The following ZAP70 variants were observed in gnomAD, a reference collection of about 807,000 sequenced individuals.
The protein encoded by ZAP70 is zeta chain of T cell receptor associated protein kinase 70.
Under a neutral mutation model 65.8 loss-of-function variants are expected in ZAP70, and 27 were observed. The observed-to-expected ratio is 0.41, with a 90% CI of 0.30 to 0.57. ZAP70 has a LOEUF of 0.57. Ranked by LOEUF, ZAP70 falls within the 20% of genes least tolerant of loss-of-function variation. The probability of loss-of-function intolerance (pLI) is 0.28; values close to 1 mark genes in which losing one functional copy is unlikely to be tolerated. For missense variants in ZAP70, 696 were observed against 870.5 expected (o/e 0.80, Z 2.52); for synonymous variants, 363 against 360.8 (o/e 1.01, Z -0.07).
rs571028144 is a variant in ZAP70, at chr2:97,725,969, C to T, written c.563+717C>T. 2.8e-4 allele frequency among the ~76,000 whole-genome samples: 42 copies of T among 152,120 alleles called. No individual in the cohort carries two copies. The South Asian group carries it at 8.7e-3, about 32-fold the overall frequency. On this transcript the variant is annotated intron_variant, in intron 4 of 13. Coordinates refer to ENST00000264972, the MANE Select transcript of ZAP70 (RefSeq NM_001079.4). Reference sequence around the variant, plus strand: ...AGAATGGGAGGAGGTGAGGGCAGGGCGGGGACTTTAGCTTTTCCCCCAAGT... The same window carrying T: ...AGAATGGGAGGAGGTGAGGGCAGGGTGGGGACTTTAGCTTTTCCCCCAAGT...
chr2:97,741,503 G>A (rs888918281), downstream of ZAP70, among the ~76,000 whole-genome samples: 7 of 148,936 alleles, frequency 4.7e-5, no homozygotes, highest in African/African-American at 1.5e-4. Context: ...AAAGCTCCCC[G>A]TCCCCCCCAG....
chr2:97,727,103 G>A (rs1677418515), intron 4 of ZAP70, among the ~76,000 whole-genome samples: 1 of 152,242 alleles, frequency 6.6e-6, no homozygotes, highest in Non-Finnish European at 1.5e-5. Flanking sequence ...TGTGGTGGTG[G>A]TGCAGGGTTC....
At chr2:97,728,024 C>A (rs1031885946) in intron 4 of ZAP70, among the ~76,000 whole-genome samples, 4 of 152,154 alleles carry the variant, frequency 2.6e-5, no homozygotes, top group East Asian at 1.9e-4. Flanking sequence ...TGACGACAGC[C>A]GCTCAGCTTT....
chr2:97,735,182 G>T, intron 9 of ZAP70, 68 bp from the exon 10 acceptor site: 2 of 1,569,832 alleles, frequency 1.3e-6, no homozygotes, highest in Middle Eastern at 1.7e-4. Context: ...AGATGGGTGG[G>T]TGGGGGTGTG....
At chr2:97,727,826 C>T (rs1256094430) in intron 4 of ZAP70, among the ~76,000 whole-genome samples, 1 of 152,130 alleles carries the variant, frequency 6.6e-6, no homozygotes, top group African/African-American at 2.4e-5. Flanking sequence ...TTTCCCTCCC[C>T]ACCCCCATCT....
At chr2:97,714,876 G>T (rs1324048939) in intron 2 of ZAP70, among the ~76,000 whole-genome samples, 1 of 152,110 alleles carries the variant, frequency 6.6e-6, no homozygotes, top group African/African-American at 2.4e-5. Context: ...GTGTTGCGGG[G>T]GTGGTGTTGA....
chr2:97,752,676 G>A, the ZAP70 span, among the ~76,000 whole-genome samples: 1 of 152,214 alleles, frequency 6.6e-6, no homozygotes, highest in Non-Finnish European at 1.5e-5. Context: ...AAATGTCTTT[G>A]TTATCCAACT....
chr2:97,747,911 T>C, the ZAP70 span, among the ~76,000 whole-genome samples: 9 of 139,698 alleles, frequency 6.4e-5, no homozygotes. Context: ...TGGAAGGCTG[T>C]GGGCAGGACA....
intron 9 of ZAP70, chr2:97,734,987 C>T: frequency 1.5e-6 from 1 of 645,960 alleles, no homozygotes; most frequent in African/African-American, 1.8e-5. Flanking sequence ...GTCCACTGGC[C>T]CCTGACAGGC....
At position 97,737,716 on chromosome 2, in the gene ZAP70, G is replaced by A. The variant is rs1189168411; in HGVS notation, c.1483-41G>A. ...GACTGGATGGGCTGGGTGGGTAGAG[G>A]GTCCCTGACCCCTGATCCAGCAGCA... On this transcript the variant is annotated intron_variant, in intron 11 of 13. Transcript: ENST00000264972. The surrounding 1 kb of genome is among the most constrained non-coding windows in gnomAD (Gnocchi z 5.0). The A allele has an allele frequency of 3.1e-6, 5 of 1,613,954 alleles. No homozygotes were observed. In the African/African-American group the frequency reaches 5.3e-5, roughly 17 times the overall value.
chr2:97,747,514 C>A, the ZAP70 span, among the ~76,000 whole-genome samples: 1 of 152,128 alleles, frequency 6.6e-6, no homozygotes, highest in Non-Finnish European at 1.5e-5. Context: ...TAAGCATGGG[C>A]AAATCCAGAG....
the ZAP70 span, among the ~76,000 whole-genome samples, chr2:97,748,613 G>T: frequency 1.5e-4 from 23 of 152,284 alleles, no homozygotes; most frequent in South Asian, 1.7e-3. Flanking sequence ...GCGACTGGCT[G>T]CGTGAGGCCA....
At chr2:97,714,157 C>T (rs560839199) in intron 2 of ZAP70, among the ~76,000 whole-genome samples, 163 bp downstream of exon 2, 10 of 152,128 alleles carry the variant, frequency 6.6e-5, no homozygotes, top group East Asian at 1.9e-4. Context: ...TGGAGGCAGA[C>T]GGGGCTTGTG....
At chr2:97,717,162 G>C (rs1386417173) in intron 2 of ZAP70, among the ~76,000 whole-genome samples, 9 of 152,154 alleles carry the variant, frequency 5.9e-5, no homozygotes, top group African/African-American at 2.2e-4. Flanking sequence ...TTAAGGAGCA[G>C]GGAACATGGC....
At chr2:97,738,135 C>G (rs1422885905) in intron 13 of ZAP70, 28 bp downstream of exon 13, 1 of 1,564,664 alleles carries the variant, frequency 6.4e-7, no homozygotes, top group Non-Finnish European at 8.7e-7. Context: ...GGGGACCCGG[C>G]TGGGCTGACC....
chr2:97,739,541 AC>A lies in ZAP70; in HGVS notation c.*46del. 1 of 1,595,482 alleles carries A rather than the reference AC, an allele frequency of 6.3e-7. No individual in the cohort carries two copies. Among genetic ancestry groups the A allele is most frequent in the Non-Finnish European group, 8.5e-7 (1 of 1,171,932 alleles). ...GAGCCCTCCACGCCGGCTCTTCCCC[AC>A]CCTCAGCCCCACCCCAGGTCCTGCA... On this transcript the variant is annotated 3_prime_UTR_variant, in exon 14 of 14. Transcript: ENST00000264972.
At chr2:97,723,877 A>G in intron 2 of ZAP70, 139 bp from the exon 3 acceptor site, 1 of 929,434 alleles carries the variant, frequency 1.1e-6, no homozygotes, top group African/African-American at 1.7e-5. Context: ...ACTCTGGCAC[A>G]GAGCAGGCTC....
intron 13 of ZAP70, chr2:97,738,388 G>A (rs1252217669): frequency 9.9e-6 from 5 of 505,486 alleles, no homozygotes; most frequent in Non-Finnish European, 1.1e-5. Context: ...CCTGCAACAC[G>A]CAAACAGGTC....
Position 97,733,057 on chromosome 2 carries a change from G to A in ZAP70, c.702+36G>A, listed in dbSNP as rs200964452. ...CGTGCAACTTGTTCTGGGAGATGCCGTGCTCAGATGGGGTGCCGGGCTCTG... is the reference window on the plus strand; with the variant it reads ...CGTGCAACTTGTTCTGGGAGATGCCATGCTCAGATGGGGTGCCGGGCTCTG... On this transcript the variant is annotated intron_variant, in intron 5 of 13. Transcript: ENST00000264972. 122 of 1,613,996 alleles carry A rather than the reference G, an allele frequency of 7.6e-5. No individual in the cohort carries two copies. The East Asian group carries it at 1.5e-3, about 19-fold the overall frequency.
Sources: allele counts gnomAD v4.1 joint callset (sites outside exome capture counted in the v4.1 genomes callset), GRCh38; gene constraint gnomAD v4.1.1; non-coding constraint Gnocchi (gnomAD v3.1); transcripts MANE v1.5; gene names NCBI Gene and HGNC (gene_info 2026-07-23, HGNC 2026-07-21).